PRKCE: variants seen among roughly 807,000 people sequenced by gnomAD.
The protein encoded by PRKCE is protein kinase C epsilon.
PRKCE carries 16 observed loss-of-function variants against 85.4 expected under a neutral mutation model. The observed-to-expected ratio is 0.19, with a 90% CI of 0.13 to 0.28. The LOEUF is 0.28. Among genes scored for constraint, PRKCE ranks in the 10% least tolerant of loss-of-function variants. PRKCE has a pLI of 1.00. For missense variants in PRKCE, 573 were observed against 975.2 expected (o/e 0.59, Z 5.49); for synonymous variants, 388 against 371.5 (o/e 1.04, Z -0.51).
chr2:46,110,680 T>C (rs1022767972), intron 11 of PRKCE, among the ~76,000 whole-genome samples: 1 of 151,996 alleles, frequency 6.6e-6, no homozygotes, highest in Non-Finnish European at 1.5e-5. Flanking sequence ...TGTTTTTCTG[T>C]TTTACATTTC....
At chr2:46,099,112 G>C (rs548293974) in intron 11 of PRKCE, among the ~76,000 whole-genome samples, 70 of 152,084 alleles carry the variant, frequency 4.6e-4, no homozygotes, top group African/African-American at 1.7e-3. Context: ...AATTCATTCT[G>C]GTAAGCAAGG....
intron 11 of PRKCE, among the ~76,000 whole-genome samples, chr2:46,117,525 A>G (rs542363294): frequency 4.6e-5 from 7 of 152,196 alleles, no homozygotes; most frequent in Admixed American, 2.0e-4. Context: ...CGGGCTCCCC[A>G]TGGTACCTTC....
intron 2 of PRKCE, among the ~76,000 whole-genome samples, chr2:45,954,222 G>C (rs1700822820): frequency 6.6e-6 from 1 of 152,190 alleles, no homozygotes; most frequent in Admixed American, 6.5e-5. Flanking sequence ...ACGTGTGCCT[G>C]TGTATTACTG....
chr2:45,955,130 ATCCAATTCAATAGTAAAGAC>A (rs1700884268), intron 2 of PRKCE, among the ~76,000 whole-genome samples: 2 of 152,242 alleles, frequency 1.3e-5, no homozygotes, highest in African/African-American at 2.4e-5. Context: ...ATGGATGAAT[ATCCAATTCAATAGTAAAGAC>A]TCCAAGTACT....
chr2:45,870,088 C>G (rs2105742152), intron 2 of PRKCE, among the ~76,000 whole-genome samples: 1 of 152,288 alleles, frequency 6.6e-6, no homozygotes, highest in East Asian at 1.9e-4. Flanking sequence ...TCCCTGCAAG[C>G]CAGGTCATTT....
At chr2:45,691,306 G>C (rs1046332072) in intron 1 of PRKCE, among the ~76,000 whole-genome samples, 1 of 152,186 alleles carries the variant, frequency 6.6e-6, no homozygotes, top group African/African-American at 2.4e-5. Context: ...CCTGTTGCTG[G>C]TCTGCAGTGT....
intron 6 of PRKCE, among the ~76,000 whole-genome samples, chr2:45,986,681 G>A (rs1358405673): frequency 6.6e-6 from 1 of 152,218 alleles, no homozygotes; most frequent in Non-Finnish European, 1.5e-5. Context: ...GAGGAGGGTG[G>A]TGAGGGCTGG....
At chr2:46,013,958 C>T (rs766045949) in intron 10 of PRKCE, among the ~76,000 whole-genome samples, 64 of 152,150 alleles carry the variant, frequency 4.2e-4, no homozygotes, top group Non-Finnish European at 8.4e-4. Flanking sequence ...CCATTGGCAT[C>T]AGTCATGATG....
At chr2:45,955,204 T>C (rs763180110) in intron 2 of PRKCE, among the ~76,000 whole-genome samples, 14 of 152,204 alleles carry the variant, frequency 9.2e-5, no homozygotes, top group Non-Finnish European at 2.1e-4. Context: ...ACTGCCCTGA[T>C]ATCGAAAGGT....
chr2:46,016,552 G>T (rs554450346), intron 10 of PRKCE, among the ~76,000 whole-genome samples: 113 of 152,244 alleles, frequency 7.4e-4, no homozygotes, highest in Non-Finnish European at 1.2e-3. Flanking sequence ...AACTGCTGCA[G>T]CTTCGTGTAA....
intron 1 of PRKCE, among the ~76,000 whole-genome samples, chr2:45,716,689 GA>G (rs752330292): frequency 3.8e-4 from 20 of 52,742 alleles, no homozygotes; most frequent in African/African-American, 1.1e-3. Context: ...AGAAGAAGAA[GA>G]GAAGGAAGGA....
At chr2:45,971,795 C>T (rs1020852714) in intron 2 of PRKCE, among the ~76,000 whole-genome samples, 33 of 152,204 alleles carry the variant, frequency 2.2e-4, no homozygotes, top group African/African-American at 7.0e-4. Context: ...ACATACCTTT[C>T]CGCCTTGTGT....
intron 1 of PRKCE, among the ~76,000 whole-genome samples, chr2:45,695,039 C>G (rs1678030560): frequency 6.6e-6 from 1 of 152,186 alleles, no homozygotes; most frequent in African/African-American, 2.4e-5. Flanking sequence ...CCCTCTGCCC[C>G]TGTGAGACAC....
chr2:45,781,574 G>T (rs979856831), intron 1 of PRKCE, among the ~76,000 whole-genome samples: 4 of 152,178 alleles, frequency 2.6e-5, no homozygotes, highest in African/African-American at 9.7e-5. Context: ...TGAAACAGGT[G>T]CAGGGAGCTT....
intron 3 of PRKCE, among the ~76,000 whole-genome samples, chr2:45,976,857 C>CTGTGTGTGTGTGTG (rs56287103): frequency 7.4e-6 from 1 of 134,962 alleles, no homozygotes; most frequent in Non-Finnish European, 1.6e-5. Flanking sequence ...GATATTGTGA[C>CTGTGTGTGTGTGTG]TGTGTGTGTG....
chr2:45,735,920 C>A (rs1682018333), intron 1 of PRKCE, among the ~76,000 whole-genome samples: 2 of 152,152 alleles, frequency 1.3e-5, no homozygotes, highest in Non-Finnish European at 2.9e-5. Context: ...GCCAAGTCTT[C>A]CTATATATTG....
At chr2:46,117,794 G>A (rs578061491) in intron 11 of PRKCE, among the ~76,000 whole-genome samples, 1 of 152,204 alleles carries the variant, frequency 6.6e-6, no homozygotes, top group African/African-American at 2.4e-5. Flanking sequence ...CCCTTACATT[G>A]CCATAATGTG....
intron 2 of PRKCE, among the ~76,000 whole-genome samples, chr2:45,866,538 AC>A (rs543443997): frequency 5.9e-5 from 9 of 151,552 alleles, no homozygotes; most frequent in South Asian, 2.1e-4. Context: ...TGATCTCCAG[AC>A]CTCGTGATCC....
chr2:45,831,663 T>A (rs2105400424), intron 1 of PRKCE, among the ~76,000 whole-genome samples: 1 of 152,300 alleles, frequency 6.6e-6, no homozygotes, highest in South Asian at 2.1e-4. Context: ...GGTAAGAGAA[T>A]GTCTAAAATA....
Sources: allele counts gnomAD v4.1 joint callset (sites outside exome capture counted in the v4.1 genomes callset), GRCh38; gene constraint gnomAD v4.1.1; transcripts MANE v1.5; gene names NCBI Gene and HGNC (gene_info 2026-07-23, HGNC 2026-07-21).